Variants in MGAT4C observed in about 807,000 individuals in gnomAD.
MGAT4C encodes MGAT4 family member C.
Under a neutral mutation model 40.1 loss-of-function variants are expected in MGAT4C, and 19 were observed. The observed-to-expected ratio is 0.47, with a 90% CI of 0.33 to 0.70. The LOEUF (loss-of-function observed/expected upper bound fraction) is 0.70, where lower values mean the gene tolerates loss of function less well. Ranked by LOEUF, MGAT4C falls within the 30% of genes least tolerant of loss-of-function variation. The pLI is 0.02. For missense variants in MGAT4C, 491 were observed against 563.2 expected (o/e 0.87, Z 1.30); for synonymous variants, 181 against 187.1 (o/e 0.97, Z 0.27).
chr12:86,558,893 C>T (rs1390823662), intron 2 of MGAT4C, among the ~76,000 whole-genome samples: 3 of 151,634 alleles, frequency 2.0e-5, no homozygotes, highest in African/African-American at 7.3e-5. Context: ...AGACTGTAAA[C>T]AAATCCAATT....
chr12:86,310,825 G>A (rs777594982), intron 4 of MGAT4C, among the ~76,000 whole-genome samples: 31 of 152,192 alleles, frequency 2.0e-4, no homozygotes, highest in Non-Finnish European at 4.0e-4. Flanking sequence ...TCGGGAGGCT[G>A]AGGCAGGGGA....
At chr12:86,074,185 C>T (rs567415858) in intron 1 of MGAT4C, among the ~76,000 whole-genome samples, 1 of 152,184 alleles carries the variant, frequency 6.6e-6, no homozygotes, top group East Asian at 1.9e-4. Flanking sequence ...TTTCACTTCC[C>T]ACCATGATTC....
intron 1 of MGAT4C, among the ~76,000 whole-genome samples, chr12:86,206,837 A>G (rs1271569382): frequency 5.9e-5 from 9 of 152,142 alleles, no homozygotes; most frequent in Non-Finnish European, 4.4e-5. Flanking sequence ...CACACTCCTA[A>G]AATATATGGT....
chr12:86,514,540 C>T (rs1359926079), intron 2 of MGAT4C, among the ~76,000 whole-genome samples: 1 of 152,164 alleles, frequency 6.6e-6, no homozygotes, highest in Non-Finnish European at 1.5e-5. Context: ...CTCAGTGCCT[C>T]ATTCTTCCAT....
At chr12:86,796,641 T>C (rs1170481153) in intron 1 of MGAT4C, among the ~76,000 whole-genome samples, 1 of 151,912 alleles carries the variant, frequency 6.6e-6, no homozygotes, top group African/African-American at 2.4e-5. Flanking sequence ...GTTAACAATA[T>C]ATAGCATTCT....
intron 1 of MGAT4C, among the ~76,000 whole-genome samples, chr12:86,074,311 T>C (rs1323812759): frequency 6.6e-6 from 1 of 150,806 alleles, no homozygotes; most frequent in African/African-American, 2.4e-5. Context: ...GACCTTGTAA[T>C]CATGTGAGTT....
rs766745214 is a variant in MGAT4C, at chr12:86,037,819, A to G, written c.-7+11855T>C. Reference sequence around the variant, plus strand: ...TGTATATTATATATGCTTGGTCCAGAGAGGATTTCAAGCCCTGGATATCCT... The same window carrying G: ...TGTATATTATATATGCTTGGTCCAGGGAGGATTTCAAGCCCTGGATATCCT... On this transcript the variant is annotated intron_variant, in intron 2 of 4. Coordinates refer to ENST00000611864, the MANE Select transcript of MGAT4C (RefSeq NM_001351288.2). Among the ~76,000 whole-genome samples the G allele has an allele frequency of 6.3e-4, 94 of 149,864 alleles. 10 individuals are homozygous for G. Among genetic ancestry groups the G allele is most frequent in the Non-Finnish European group, 1.2e-3 (82 of 66,802 alleles).
At chr12:86,099,389 G>T (rs943221534) in intron 1 of MGAT4C, among the ~76,000 whole-genome samples, 94 of 147,242 alleles carry the variant, frequency 6.4e-4, no homozygotes, top group Middle Eastern at 3.5e-3. Flanking sequence ...TTCTTTTGGG[G>T]GGGGGCAAAA....
intron 2 of MGAT4C, among the ~76,000 whole-genome samples, chr12:86,444,252 C>T (rs887232617): frequency 6.6e-6 from 1 of 152,146 alleles, no homozygotes; most frequent in Non-Finnish European, 1.5e-5. Flanking sequence ...AGTGGTACTA[C>T]ATTCTTCTTA....
chr12:86,082,563 A>AAG (rs1214190243), intron 1 of MGAT4C, among the ~76,000 whole-genome samples: 2 of 152,166 alleles, frequency 1.3e-5, no homozygotes, highest in Admixed American at 1.3e-4. Flanking sequence ...CTTCAGGGAA[A>AAG]AGAGAAAATA....
chr12:86,132,953 GTT>G (rs1278871152), intron 1 of MGAT4C, among the ~76,000 whole-genome samples: 2 of 152,136 alleles, frequency 1.3e-5, no homozygotes, highest in East Asian at 1.9e-4. Context: ...GATGGATTCA[GTT>G]TCTTTACCGA....
chr12:86,698,509 T>C (rs1481272773), intron 2 of MGAT4C, among the ~76,000 whole-genome samples: 1 of 152,094 alleles, frequency 6.6e-6, no homozygotes, highest in Non-Finnish European at 1.5e-5. Flanking sequence ...GCAGGCAATG[T>C]AATGCAATCT....
chr12:86,020,711 G>A (rs1173421975), intron 2 of MGAT4C, among the ~76,000 whole-genome samples: 1 of 152,172 alleles, frequency 6.6e-6, no homozygotes, highest in South Asian at 2.1e-4. Context: ...AAAAGCAATG[G>A]CAACAAAAGC....
chr12:86,795,758 G>C (rs559906363), intron 1 of MGAT4C, among the ~76,000 whole-genome samples: 1 of 152,020 alleles, frequency 6.6e-6, no homozygotes, highest in East Asian at 1.9e-4. Flanking sequence ...ACCTGTTCCA[G>C]GAATTATTTG....
At chr12:86,110,520 G>A (rs577802180) in intron 1 of MGAT4C, among the ~76,000 whole-genome samples, 5 of 149,628 alleles carry the variant, frequency 3.3e-5, no homozygotes, top group Admixed American at 2.0e-4. Flanking sequence ...TTTTCTAAAC[G>A]CATATTAAGT....
intron 1 of MGAT4C, chr12:86,727,262 A>T (rs1050104834): frequency 2.0e-5 from 3 of 152,136 alleles, no homozygotes; most frequent in African/African-American, 7.2e-5. Context: ...GAAAAATGCC[A>T]GAAGGATTAA....
At chr12:86,647,096 GAGCTAAGCTTCTC>G (rs1963561721) in intron 2 of MGAT4C, among the ~76,000 whole-genome samples, 2 of 151,804 alleles carry the variant, frequency 1.3e-5, no homozygotes, top group African/African-American at 4.8e-5. Context: ...CGGCCCAACT[GAGCTAAGCTTCTC>G]ACCTGTTCCA....
intron 3 of MGAT4C, among the ~76,000 whole-genome samples, chr12:86,337,960 T>C (rs927497837): frequency 4.6e-5 from 7 of 152,122 alleles, no homozygotes; most frequent in African/African-American, 1.7e-4. Flanking sequence ...CAAAATATAA[T>C]ATAGCAGCAA....
chr12:86,201,694 T>C (rs839158), intron 1 of MGAT4C, among the ~76,000 whole-genome samples: 102,543 of 151,558 alleles, frequency 0.68, 35,004 homozygotes, highest in South Asian at 0.75. Context: ...TTGTAACAAA[T>C]TGGTTGTTGG....
Sources: allele counts gnomAD v4.1 joint callset (sites outside exome capture counted in the v4.1 genomes callset), GRCh38; gene constraint gnomAD v4.1.1; transcripts MANE v1.5; gene names NCBI Gene and HGNC (gene_info 2026-07-23, HGNC 2026-07-21).